Variants in TCF12 observed in about 807,000 individuals in gnomAD.
The protein encoded by TCF12 is transcription factor 12, also known as DNA-binding protein HTF4.
In TCF12, 45 loss-of-function variants were observed where a neutral mutation model predicts 86.0. The ratio of observed to expected loss-of-function variants is 0.52; its 90% CI spans 0.41 to 0.67. The LOEUF (loss-of-function observed/expected upper bound fraction) is 0.67. Ranked by LOEUF, TCF12 falls within the 30% of genes least tolerant of loss-of-function variation. TCF12 has a pLI of 0.00. For synonymous variants in TCF12, 330 were observed against 299.6 expected, an observed-to-expected ratio of 1.10 and a Z score of -1.05; for missense variants, 881 against 859.9, an observed-to-expected ratio of 1.02 and a Z score of -0.31.
intron 5 of TCF12, among the ~76,000 whole-genome samples, chr15:57,093,365 A>C (rs1182250227): frequency 6.6e-6 from 1 of 152,202 alleles, no homozygotes. Flanking sequence ...GGGCAAGTAA[A>C]AGTCCGTGTT....
chr15:57,074,428 G>A (rs2069703456), intron 4 of TCF12, among the ~76,000 whole-genome samples: 1 of 150,472 alleles, frequency 6.6e-6, no homozygotes, highest in Admixed American at 6.6e-5. Context: ...AGAGGTAGCT[G>A]TTTTGAATTC....
intron 15 of TCF12, 48 bp from the exon 16 acceptor site, chr15:57,253,214 T>C (rs1421482816): frequency 6.2e-7 from 1 of 1,602,876 alleles, no homozygotes; most frequent in African/African-American, 1.3e-5. Flanking sequence ...TTAATGAATC[T>C]AACAGATGCC....
At chr15:57,177,608 C>CAGAGAGAGAGAGAGAGAGAGGGAGAGAG (rs2056024730) in intron 6 of TCF12, among the ~76,000 whole-genome samples, 1 of 122,962 alleles carries the variant, frequency 8.1e-6, no homozygotes, top group Non-Finnish European at 1.7e-5. Flanking sequence ...GTTAAAAGGC[C>CAGAGAGAGAGAGAGAGAGAGGGAGAGAG]AGAGAGAGAG....
At chr15:57,184,309 G>C (rs1567585349) in intron 6 of TCF12, among the ~76,000 whole-genome samples, 1 of 152,088 alleles carries the variant, frequency 6.6e-6, no homozygotes, top group Non-Finnish European at 1.5e-5. Context: ...TTCAAGAAAA[G>C]TATTTTCAAA....
chr15:57,032,806 A>T (rs934882247), intron 3 of TCF12, among the ~76,000 whole-genome samples: 1 of 152,204 alleles, frequency 6.6e-6, no homozygotes, highest in Non-Finnish European at 1.5e-5. Context: ...GTTACTTGAT[A>T]TACAAAAGGC....
chr15:57,096,645 G>C (rs59245599), intron 5 of TCF12, among the ~76,000 whole-genome samples: 1 of 152,050 alleles, frequency 6.6e-6, no homozygotes, highest in Non-Finnish European at 1.5e-5. Context: ...TAGTTCTTAT[G>C]TTGGATTGTT....
Position 57,282,537 on chromosome 15 carries a change from G to A in TCF12, c.2071G>A (p.Gly691Arg). ...VSAEPPTTLP[G>R]THPGLSETTN... is the part of the protein sequence containing the mutation. Reference sequence around the variant, plus strand: ...GGCAGAGCCGCCAACCACACTGCCAGGAACCCATCCTGGGCTTAGTGAAAC... The same window carrying A: ...GGCAGAGCCGCCAACCACACTGCCAAGAACCCATCCTGGGCTTAGTGAAAC... Residue 691 changes from glycine to arginine, a missense_variant, in exon 20 of 21, where the codon GGA (glycine) becomes AGA (arginine). Gly to Arg is a moderately radical substitution (Grantham distance 125). Transcript: ENST00000333725. The A allele has an allele frequency of 6.2e-7, 1 of 1,614,246 alleles. No homozygotes were observed. The highest frequency in any genetic ancestry group is 8.5e-7 in the Non-Finnish European group (1 of 1,180,042).
intron 16 of TCF12, among the ~76,000 whole-genome samples, chr15:57,258,559 G>T (rs1307428109): frequency 1.3e-5 from 2 of 152,114 alleles, no homozygotes; most frequent in African/African-American, 2.4e-5. Flanking sequence ...TCATGACATA[G>T]GATAAAATTT....
At chr15:56,998,938 C>T (rs748948846) in intron 3 of TCF12, among the ~76,000 whole-genome samples, 4 of 152,138 alleles carry the variant, frequency 2.6e-5, no homozygotes, top group Non-Finnish European at 5.9e-5. Context: ...GTGGCTCATG[C>T]CTGTAATCCT....
chr15:57,011,570 A>G (rs999658066), intron 3 of TCF12, among the ~76,000 whole-genome samples: 7 of 152,160 alleles, frequency 4.6e-5, no homozygotes, highest in Non-Finnish European at 5.9e-5. Context: ...GTGTTTTACA[A>G]AAGCATCTCC....
chr15:56,936,259 G>C (rs1406770125), intron 3 of TCF12, among the ~76,000 whole-genome samples: 2 of 152,080 alleles, frequency 1.3e-5, no homozygotes, highest in African/African-American at 4.8e-5. Context: ...TCATATGTTT[G>C]TTGGCCATTT....
intron 3 of TCF12, among the ~76,000 whole-genome samples, chr15:56,948,787 C>G (rs183240527): frequency 9.1e-4 from 138 of 152,260 alleles, no homozygotes; most frequent in Non-Finnish European, 1.0e-4. Context: ...ATTCACCTTC[C>G]GACATCTTCC....
intron 3 of TCF12, among the ~76,000 whole-genome samples, chr15:57,045,274 T>A (rs1166786194): frequency 6.6e-6 from 1 of 152,214 alleles, no homozygotes; most frequent in East Asian, 1.9e-4. Flanking sequence ...AGACAAACGA[T>A]TTGAACTGTG....
chr15:57,145,706 C>T (rs543590650), intron 5 of TCF12, among the ~76,000 whole-genome samples: 97 of 152,268 alleles, frequency 6.4e-4, no homozygotes, highest in African/African-American at 2.3e-3. Flanking sequence ...AGTTTATATA[C>T]TCAGGGATGC....
At chr15:57,268,895 G>T (rs1392881517) in intron 18 of TCF12, among the ~76,000 whole-genome samples, 1 of 151,420 alleles carries the variant, frequency 6.6e-6, no homozygotes, top group Non-Finnish European at 1.5e-5. Flanking sequence ...ACGTTTTGTT[G>T]TGATTTGTGT....
chr15:57,099,375 A>G (rs1217715427), intron 5 of TCF12, among the ~76,000 whole-genome samples: 2 of 152,192 alleles, frequency 1.3e-5, no homozygotes, highest in Non-Finnish European at 2.9e-5. Flanking sequence ...TCTATGGGTA[A>G]TCCGTCCTAG....
chr15:57,175,244 G>C (rs2055824587), intron 6 of TCF12, among the ~76,000 whole-genome samples: 1 of 152,134 alleles, frequency 6.6e-6, no homozygotes, highest in African/African-American at 2.4e-5. Flanking sequence ...TACTCAGGAA[G>C]CTGATCACTC....
At chr15:56,960,492 T>G (rs1172102137) in intron 3 of TCF12, among the ~76,000 whole-genome samples, 1 of 149,924 alleles carries the variant, frequency 6.7e-6, no homozygotes, top group African/African-American at 2.5e-5. Context: ...TGCAGTGGCA[T>G]AATCTCGGCT....
intron 5 of TCF12, among the ~76,000 whole-genome samples, chr15:57,143,015 G>T (rs1250493732): frequency 6.6e-6 from 1 of 152,022 alleles, no homozygotes; most frequent in Non-Finnish European, 1.5e-5. Flanking sequence ...AGTATATTTG[G>T]ACTGATTATA....
Sources: allele counts gnomAD v4.1 joint callset (sites outside exome capture counted in the v4.1 genomes callset), GRCh38; gene constraint gnomAD v4.1.1; transcripts MANE v1.5; gene names NCBI Gene and HGNC (gene_info 2026-07-23, HGNC 2026-07-21).